MTA3: variants seen among roughly 807,000 people sequenced by gnomAD.
The protein encoded by MTA3 is metastasis-associated protein MTA3.
Under a neutral mutation model 83.5 loss-of-function variants are expected in MTA3, and 34 were observed. The ratio of observed to expected loss-of-function variants is 0.41; its 90% CI spans 0.31 to 0.54. The LOEUF is 0.54. Ranked by LOEUF, MTA3 falls within the 20% of genes least tolerant of loss-of-function variation. The pLI is 0.33. For synonymous variants in MTA3, 303 were observed against 252.7 expected, an observed-to-expected ratio of 1.20 and a Z score of -1.89; for missense variants, 761 against 726.4, an observed-to-expected ratio of 1.05 and a Z score of -0.55.
intron 3 of MTA3, among the ~76,000 whole-genome samples, chr2:42,587,986 T>C (rs1331944316): frequency 6.6e-6 from 1 of 152,194 alleles, no homozygotes; most frequent in Non-Finnish European, 1.5e-5. Flanking sequence ...TGTAAAACTA[T>C]TTACATTTTC....
intron 3 of MTA3, among the ~76,000 whole-genome samples, chr2:42,584,901 A>T (rs1008611128): frequency 2.0e-5 from 3 of 151,668 alleles, no homozygotes; most frequent in Non-Finnish European, 4.4e-5. Context: ...AAAATGGATT[A>T]AGAGACCTAG....
chr2:42,736,019 T>C (rs1668584846), intron 16 of MTA3, among the ~76,000 whole-genome samples: 2 of 152,186 alleles, frequency 1.3e-5, no homozygotes, highest in African/African-American at 4.8e-5. Context: ...TGTCTGGGCA[T>C]TGAAGAGTTA....
intron 3 of MTA3, among the ~76,000 whole-genome samples, chr2:42,587,357 C>G (rs1391594277): frequency 6.6e-6 from 1 of 151,992 alleles, no homozygotes; most frequent in Non-Finnish European, 1.5e-5. Context: ...TTAAAAGATA[C>G]AAAAATGTAT....
intron 2 of MTA3, among the ~76,000 whole-genome samples, chr2:42,532,516 C>CA (rs1196714301): frequency 6.6e-6 from 1 of 151,206 alleles, no homozygotes; most frequent in Non-Finnish European, 1.5e-5. Flanking sequence ...TCTCAAAAAA[C>CA]AAAAAAAGAA....
At chr2:42,598,477 A>G (rs1207720294) in intron 3 of MTA3, among the ~76,000 whole-genome samples, 2 of 152,184 alleles carry the variant, frequency 1.3e-5, no homozygotes, top group African/African-American at 4.8e-5. Context: ...TTAGACCTGT[A>G]AGGACCTTAT....
chr2:42,537,842 G>C (rs1309362557), intron 2 of MTA3, among the ~76,000 whole-genome samples: 1 of 152,176 alleles, frequency 6.6e-6, no homozygotes, highest in Non-Finnish European at 1.5e-5. Context: ...GTAGGAAAGT[G>C]TCTTTCTTCT....
intron 6 of MTA3, among the ~76,000 whole-genome samples, chr2:42,655,850 G>A (rs1260958661): frequency 1.3e-5 from 2 of 152,170 alleles, no homozygotes; most frequent in East Asian, 3.8e-4. Context: ...TGATCTGTCT[G>A]CCTCGGCCTC....
intron 4 of MTA3, among the ~76,000 whole-genome samples, 175 bp from the exon 5 acceptor site, chr2:42,639,998 A>G (rs1199985245): frequency 6.6e-6 from 1 of 152,168 alleles, no homozygotes; most frequent in Admixed American, 6.5e-5. Flanking sequence ...GCCTTATTTT[A>G]TAAGTTACCT....
At chr2:42,747,830 T>C (rs891838755) in intron 16 of MTA3, among the ~76,000 whole-genome samples, 4 of 152,016 alleles carry the variant, frequency 2.6e-5, no homozygotes, top group African/African-American at 9.7e-5. Flanking sequence ...TATTAAAATA[T>C]ACAATTTAAT....
chr2:42,715,996 G>A (rs1281631850), intron 14 of MTA3, among the ~76,000 whole-genome samples: 1 of 152,208 alleles, frequency 6.6e-6, no homozygotes, highest in African/African-American at 2.4e-5. Flanking sequence ...AAGAAATTAT[G>A]TAGTGTTAAC....
At chr2:42,694,815 T>C (rs1017159811) in intron 9 of MTA3, among the ~76,000 whole-genome samples, 1 of 152,174 alleles carries the variant, frequency 6.6e-6, no homozygotes, top group African/African-American at 2.4e-5. Context: ...CAGCCCCACC[T>C]GTAGCTTGAG....
chr2:42,723,134 T>C (rs1385838794), intron 16 of MTA3, 99 bp downstream of exon 16: 8 of 1,327,358 alleles, frequency 6.0e-6, no homozygotes, highest in Middle Eastern at 1.9e-4. Context: ...AGCATGTTCT[T>C]GTATTCCATG....
chr2:42,616,320 C>T (rs1684880688), intron 4 of MTA3, among the ~76,000 whole-genome samples: 2 of 152,044 alleles, frequency 1.3e-5, no homozygotes, highest in East Asian at 1.9e-4. Context: ...GCTTTGGCCT[C>T]CCAAAGTGTT....
intron 2 of MTA3, among the ~76,000 whole-genome samples, chr2:42,540,405 C>G (rs1295829611): frequency 3.3e-5 from 5 of 151,842 alleles, no homozygotes; most frequent in African/African-American, 4.8e-5. Flanking sequence ...AACTCCTGGT[C>G]TCAAGCAATC....
At chr2:42,622,360 C>A (rs930654681) in intron 4 of MTA3, among the ~76,000 whole-genome samples, 16 of 136,266 alleles carry the variant, frequency 1.2e-4, no homozygotes, top group Middle Eastern at 3.6e-3. Flanking sequence ...GCAGCAGTAC[C>A]GTCCAGCTTC....
chr2:42,494,861 G>C (rs997567327), exon 1 of MTA3: 13 of 152,440 alleles, frequency 8.5e-5, no homozygotes, highest in Admixed American at 8.5e-4. Context: ...AGAGCCCCGT[G>C]AAGGCTCCGC....
intron 16 of MTA3, among the ~76,000 whole-genome samples, chr2:42,735,667 G>C (rs773659275): frequency 6.6e-6 from 1 of 151,680 alleles, no homozygotes; most frequent in Non-Finnish European, 1.5e-5. Context: ...TTATTCTCTT[G>C]TCTCCTCTGA....
chr2:42,693,108 C>T (rs951946629), intron 9 of MTA3, among the ~76,000 whole-genome samples: 1 of 152,156 alleles, frequency 6.6e-6, no homozygotes, highest in Non-Finnish European at 1.5e-5. Context: ...CCCTCTTCCC[C>T]TCCCCCTCCT....
chr2:42,517,612 C>T (rs1033310455), intron 2 of MTA3, among the ~76,000 whole-genome samples: 2 of 149,016 alleles, frequency 1.3e-5, no homozygotes, highest in Non-Finnish European at 3.0e-5. Context: ...CATGGTGGCT[C>T]ATGCCTGTAA....
Sources: gnomAD v4.1 joint callset for allele counts (sites outside exome capture counted in the v4.1 genomes callset) on GRCh38, gnomAD v4.1.1 for gene constraint, MANE v1.5 for transcripts, NCBI Gene and HGNC (gene_info 2026-07-23, HGNC 2026-07-21) for gene names.